The following HPD variants were observed in gnomAD, a reference collection of about 807,000 sequenced individuals.
The protein encoded by HPD is 4-hydroxyphenylpyruvate dioxygenase.
Under a neutral mutation model 56.9 loss-of-function variants are expected in HPD, and 35 were observed. The ratio of observed to expected loss-of-function variants is 0.62; its 90% confidence interval spans 0.47 to 0.82. HPD has a LOEUF of 0.82. Ranked by LOEUF, HPD falls within the 40% of genes least tolerant of loss-of-function variation. The pLI is 0.00. For missense variants in HPD, 442 were observed against 506.8 expected (o/e 0.87, Z 1.23); for synonymous variants, 186 against 200.2 (o/e 0.93, Z 0.60).
chr12:121,850,644 C>T (rs1244469609), intron 7 of HPD, among the ~76,000 whole-genome samples: 1 of 140,296 alleles, frequency 7.1e-6, no homozygotes, highest in African/African-American at 2.7e-5. Context: ...GGGCCCACCT[C>T]AACATCCCAA....
chr12:121,842,741 CTTTTTTT>C (rs34879391), intron 12 of HPD, among the ~76,000 whole-genome samples: 1 of 76,246 alleles, frequency 1.3e-5, no homozygotes, highest in Non-Finnish European at 2.5e-5. Context: ...TAAAATGGAT[CTTTTTTT>C]TTTTTTTTTT....
intron 12 of HPD, 33 bp downstream of exon 12, chr12:121,843,677 C>G (rs199775194): frequency 5.0e-6 from 8 of 1,613,400 alleles, no homozygotes; most frequent in Non-Finnish European, 5.9e-6. Flanking sequence ...TCATACTCCC[C>G]CCACAAGGCT....
At chr12:121,851,055 G>A (rs1315377585) in intron 7 of HPD, among the ~76,000 whole-genome samples, 2 of 151,928 alleles carry the variant, frequency 1.3e-5, no homozygotes, top group Non-Finnish European at 2.9e-5. Context: ...TAGAGATGGG[G>A]TTTCTCCATG....
intron 7 of HPD, among the ~76,000 whole-genome samples, chr12:121,852,303 A>C (rs1051596650): frequency 2.0e-5 from 3 of 152,016 alleles, no homozygotes; most frequent in African/African-American, 7.2e-5. Flanking sequence ...TACAGGTGTG[A>C]GCCACTGCAC....
the HPD span, among the ~76,000 whole-genome samples, chr12:121,886,256 G>A: frequency 2.0e-5 from 3 of 151,520 alleles, no homozygotes; most frequent in Admixed American, 1.3e-4. Flanking sequence ...CTACAGGCAC[G>A]TGCCACCATG....
At chr12:121,878,134 C>T in the HPD span, among the ~76,000 whole-genome samples, 1 of 152,152 alleles carries the variant, frequency 6.6e-6, no homozygotes, top group Non-Finnish European at 1.5e-5. Flanking sequence ...TTGTGAATTA[C>T]TAAATGCTGC....
chr12:121,882,974 C>T, the HPD span, among the ~76,000 whole-genome samples: 5 of 152,134 alleles, frequency 3.3e-5, no homozygotes, highest in East Asian at 5.8e-4. Context: ...GTGAGCCACC[C>T]GCCTCGGCCT....
At chr12:121,865,160 C>A (rs879329149), upstream of HPD, among the ~76,000 whole-genome samples, 44 of 151,526 alleles carry the variant, frequency 2.9e-4, no homozygotes, top group Non-Finnish European at 5.7e-4. Flanking sequence ...TTCGGCTACT[C>A]GGGAGGGTGA....
the HPD span, among the ~76,000 whole-genome samples, chr12:121,882,966 G>T: frequency 6.6e-6 from 1 of 152,066 alleles, no homozygotes; most frequent in Non-Finnish European, 1.5e-5. Context: ...GACCTCAAGT[G>T]AGCCACCCGC....
Position 121,840,068 on chromosome 12 carries a change from C to A in HPD, c.955-20G>T. ...CAGCTCCTAGGCGGGAGACAGGGGG[C>A]TCTGCTAGGGGAGGCTGGCACGGTG... is the stretch of plus-strand genomic sequence containing the variant. On this transcript the variant is annotated intron_variant, in intron 12 of 13. Coordinates refer to ENST00000289004, the MANE Select transcript of HPD (RefSeq NM_002150.3). 6.6e-7 allele frequency: 1 copy of A among 1,518,968 alleles called. No individual in the cohort carries two copies. The highest frequency in any genetic ancestry group is 9.1e-7 in the Non-Finnish European group (1 of 1,093,444). The allele number at this position is 1,518,968 out of a possible 1,614,324, so 94.1% of individuals were successfully genotyped here.
At chr12:121,855,394 A>G (rs981482203) in intron 6 of HPD, among the ~76,000 whole-genome samples, 3 of 152,180 alleles carry the variant, frequency 2.0e-5, no homozygotes, top group East Asian at 1.9e-4. Context: ...TGTTGGGTAC[A>G]GTGTTTGGTT....
chr12:121,860,206 C>T (rs944288614), upstream of HPD, among the ~76,000 whole-genome samples: 2 of 152,052 alleles, frequency 1.3e-5, no homozygotes, highest in Non-Finnish European at 2.9e-5. Context: ...GGAGGTGGCC[C>T]AGGGTGGATC....
the HPD span, among the ~76,000 whole-genome samples, chr12:121,869,768 A>T: frequency 6.6e-6 from 1 of 151,884 alleles, no homozygotes; most frequent in Non-Finnish European, 1.5e-5. Flanking sequence ...CAAGTGATCC[A>T]CCCACCTTGG....
chr12:121,853,855 T>A (rs1877896603), intron 7 of HPD, among the ~76,000 whole-genome samples: 1 of 151,386 alleles, frequency 6.6e-6, no homozygotes, highest in Admixed American at 6.6e-5. Flanking sequence ...AAGAATCACT[T>A]GAGCCCAGGA....
chr12:121,875,425 TTC>T, the HPD span, among the ~76,000 whole-genome samples: 85 of 147,450 alleles, frequency 5.8e-4, 1 homozygote, highest in South Asian at 6.4e-4. Flanking sequence ...TTTTCTTTCT[TTC>T]TTTTTTTTTT....
rs1877654555 is a variant in HPD at position 121,848,414 on chromosome 12, C to T, written c.596+585G>A. On this transcript the variant is annotated intron_variant, in intron 9 of 13. Coordinates refer to ENST00000289004, the MANE Select transcript of HPD (RefSeq NM_002150.3). Reference sequence around the variant, plus strand: ...GCAACCTCCGCCTTCCTGGTTCAAGCGATTCTCCTGTCTCAGCTTCCCAAG... The same window carrying T: ...GCAACCTCCGCCTTCCTGGTTCAAGTGATTCTCCTGTCTCAGCTTCCCAAG... 3.9e-5 allele frequency among the ~76,000 whole-genome samples: 6 copies of T among 152,176 alleles called. No individual in the cohort carries two copies. The South Asian group carries it at 8.3e-4, about 21-fold the overall frequency.
upstream of HPD, among the ~76,000 whole-genome samples, chr12:121,865,646 G>A (rs1160272576): frequency 6.6e-6 from 1 of 150,484 alleles, no homozygotes; most frequent in Admixed American, 6.7e-5. Flanking sequence ...AGTAATCTAA[G>A]TATCCATCAA....
chr12:121,858,709 G>C lies in HPD; in HGVS notation c.8C>G (p.Thr3Ser), dbSNP rs373723050. 4 of 1,614,132 alleles carry C rather than the reference G, an allele frequency of 2.5e-6. No individual in the cohort carries two copies. Among genetic ancestry groups the C allele is most frequent in the Non-Finnish European group, 1.7e-6 (2 of 1,179,986 alleles). The stretch of plus-strand genomic sequence containing the variant: ...TACCTTTGCCCCTTTGTCACTGTAA[G>C]TCGTCTAAGGAGAAAAAGAAGGACA... MT[T>S]YSDKGAKPER... Residue 3 changes from threonine to serine, a missense_variant, in exon 2 of 14, where the codon ACT (threonine) becomes AGT (serine). Transcript: ENST00000289004.
chr12:121,887,430 C>T, the HPD span, among the ~76,000 whole-genome samples: 1 of 151,946 alleles, frequency 6.6e-6, no homozygotes, highest in Non-Finnish European at 1.5e-5. Flanking sequence ...CCTGTAATCC[C>T]AGCACTTTGA....
Sources: gnomAD v4.1 joint callset for allele counts (sites outside exome capture counted in the v4.1 genomes callset) on GRCh38, gnomAD v4.1.1 for gene constraint, MANE v1.5 for transcripts, NCBI Gene and HGNC (gene_info 2026-07-23, HGNC 2026-07-21) for gene names.